The following XYLT1 variants were observed in gnomAD, a reference collection of about 807,000 sequenced individuals.
XYLT1 encodes beta-D-xylosyltransferase 1.
XYLT1 carries 36 observed loss-of-function variants against 91.3 expected under a neutral mutation model. The ratio of observed to expected loss-of-function variants is 0.39; its 90% confidence interval spans 0.30 to 0.52. The LOEUF (loss-of-function observed/expected upper bound fraction) is 0.52. XYLT1 is among the 20% of genes least tolerant of loss of function. XYLT1 has a pLI of 0.68. For synonymous variants in XYLT1, 588 were observed against 532.0 expected, an observed-to-expected ratio of 1.11 and a Z score of -1.45; for missense variants, 1,242 against 1,284.5, an observed-to-expected ratio of 0.97 and a Z score of 0.51.
intron 1 of XYLT1, among the ~76,000 whole-genome samples, chr16:17,374,141 A>G (rs1444631291): frequency 6.6e-6 from 1 of 152,250 alleles, no homozygotes; most frequent in Non-Finnish European, 1.5e-5. Context: ...GAGGACAAGC[A>G]TTTTAGGCAG....
chr16:17,403,937 G>C (rs778008865), intron 1 of XYLT1, among the ~76,000 whole-genome samples: 5 of 152,242 alleles, frequency 3.3e-5, no homozygotes, highest in Non-Finnish European at 5.9e-5. Context: ...CCAGAGGTCA[G>C]GCCAGGTGGG....
Position 17,138,375 on chromosome 16 carries a change from G to A in XYLT1, c.1744C>T (p.Gln582Ter). The change falls in exon 8 of 12, where the codon CAG becomes TAG. Residue 582 changes from glutamine to a stop codon, truncating the protein, a stop_gained. Transcript: ENST00000261381. LOFTEE classifies it high-confidence loss of function. The part of the protein sequence containing the change: ...CGCSPNDFKP[Q>*]DFHRFQQTAR... ...CTCACCTGGAAGCGGTGGAAGTCCT[G>A]CGGCTTGAAGTCATTGGGGGAGCAG... The A allele has an allele frequency of 6.2e-7, 1 of 1,613,346 alleles. No individual in the cohort carries two copies. Among genetic ancestry groups the A allele is most frequent in the Non-Finnish European group, 8.5e-7 (1 of 1,179,502 alleles).
intron 2 of XYLT1, among the ~76,000 whole-genome samples, chr16:17,299,324 G>A (rs1228285848): frequency 2.0e-5 from 3 of 152,078 alleles, no homozygotes; most frequent in Non-Finnish European, 4.4e-5. Context: ...GAATGAAGAG[G>A]GGGTGGCAGT....
rs201490419 is a variant in XYLT1 at position 17,454,903 on chromosome 16, T to TCCCCC, written c.363+15526_363+15530dup. ...CGCGTCACAAAATATCATTCTTTCC[T>TCCCCC]CCCCCCCCCGCCCCCCCCCGCAACT... On this transcript the variant is annotated intron_variant, in intron 1 of 11. Transcript: ENST00000261381. Among the ~76,000 whole-genome samples the TCCCCC allele has an allele frequency of 2.2e-4, 8 of 36,970 alleles. 1 individual carries two copies. The highest frequency in any genetic ancestry group is 1.1e-3 in the African/African-American group (6 of 5,362). The allele number at this position is 36,970 out of a possible 152,430, so 24.3% of individuals were successfully genotyped here. A position where few individuals can be genotyped will look rare whatever the true frequency, so the allele number is the denominator to read the frequency against.
At position 17,105,174 on chromosome 16, in the gene XYLT1, G is replaced by C. The variant is rs577044957; in HGVS notation, c.*3521C>G. ...GCCAGTAGCTACTGCCCTGCTCTCT[G>C]CATCTTTTTGGCAGAAAGCTTAAGG... On this transcript the variant is annotated 3_prime_UTR_variant, in exon 12 of 12. Coordinates refer to ENST00000261381, the MANE Select transcript of XYLT1 (RefSeq NM_022166.4). The C allele has an allele frequency of 6.2e-5, 9 of 145,766 alleles. No homozygotes were observed. In the East Asian group the frequency reaches 1.7e-3, roughly 28 times the overall value. 9.0% of individuals were successfully genotyped at this position (145,766 alleles called of 1,614,324 possible).
intron 5 of XYLT1, among the ~76,000 whole-genome samples, chr16:17,197,595 G>C (rs753920038): frequency 5.3e-5 from 8 of 152,070 alleles, no homozygotes; most frequent in Non-Finnish European, 1.0e-4. Context: ...AGTCTGGGTG[G>C]GCATAATCTA....
chr16:17,317,527 G>A (rs2034653550), intron 2 of XYLT1, among the ~76,000 whole-genome samples: 1 of 151,022 alleles, frequency 6.6e-6, no homozygotes, highest in Admixed American at 6.6e-5. Context: ...GTACCTGGGA[G>A]GCTGAGGTGG....
At chr16:17,413,154 T>A (rs1444403780) in intron 1 of XYLT1, among the ~76,000 whole-genome samples, 1 of 152,062 alleles carries the variant, frequency 6.6e-6, no homozygotes, top group Non-Finnish European at 1.5e-5. Flanking sequence ...CAAAGAGAGG[T>A]ATGGCCACAG....
intron 1 of XYLT1, among the ~76,000 whole-genome samples, chr16:17,466,594 C>T (rs772814121): frequency 1.3e-5 from 2 of 152,112 alleles, no homozygotes; most frequent in South Asian, 4.1e-4. Flanking sequence ...AAATAGCAAG[C>T]CTTTGACCAC....
intron 2 of XYLT1, among the ~76,000 whole-genome samples, chr16:17,333,423 G>T (rs1471314047): frequency 6.6e-6 from 1 of 152,044 alleles, no homozygotes; most frequent in Admixed American, 6.6e-5. Context: ...CATTTCAAGT[G>T]CTCAGTAACC....
intron 2 of XYLT1, among the ~76,000 whole-genome samples, chr16:17,327,361 CTTTTTTTTTTTT>C (rs138879762): frequency 1.9e-5 from 2 of 108,088 alleles, no homozygotes; most frequent in Admixed American, 1.0e-4. Context: ...TTTCTTTTTT[CTTTTTTTTTTTT>C]TTTTTTTGAG....
intron 5 of XYLT1, among the ~76,000 whole-genome samples, chr16:17,168,856 ACT>A: frequency 6.6e-6 from 1 of 151,820 alleles, no homozygotes; most frequent in East Asian, 1.9e-4. Context: ...TCACCCTTTG[ACT>A]CAGTACCTTC....
Position 17,158,822 on chromosome 16 carries a change from G to T in XYLT1, c.1370+7C>A, listed in dbSNP as rs1567300865. The stretch of plus-strand genomic sequence containing the variant: ...ATTTTGTACAGGGGTAGGGGTTGAG[G>T]TGCTACCTTGCATTGTCCCGGCCGT... On this transcript the variant is annotated splice_region_variant and intron_variant, in intron 6 of 11. Transcript: ENST00000261381. The T allele has an allele frequency of 2.5e-6, 4 of 1,613,910 alleles. No homozygotes were observed. The highest frequency in any genetic ancestry group is 2.5e-6 in the Non-Finnish European group (3 of 1,179,892).
At chr16:17,134,400 G>A (rs2030622638) in intron 9 of XYLT1, 73 bp downstream of exon 9, 1 of 1,563,340 alleles carries the variant, frequency 6.4e-7, no homozygotes, top group Non-Finnish European at 8.7e-7. Context: ...GAGGAAGAAG[G>A]ACCCCCACTC....
chr16:17,412,465 G>C (rs2036123887), intron 1 of XYLT1, among the ~76,000 whole-genome samples: 1 of 148,002 alleles, frequency 6.8e-6, no homozygotes, highest in Non-Finnish European at 1.5e-5. Context: ...TCATTCTGTA[G>C]TTAGAGGCCA....
chr16:17,199,427 A>G (rs1051207997), intron 4 of XYLT1, among the ~76,000 whole-genome samples: 3 of 152,320 alleles, frequency 2.0e-5, no homozygotes, highest in Non-Finnish European at 4.4e-5. Flanking sequence ...GACAGAGACT[A>G]TGTGCCCTGC....
intron 6 of XYLT1, among the ~76,000 whole-genome samples, chr16:17,149,008 C>A (rs952921067): frequency 6.6e-6 from 1 of 152,194 alleles, no homozygotes; most frequent in Non-Finnish European, 1.5e-5. Flanking sequence ...TACCTATTAG[C>A]ACACTAAGGA....
intron 5 of XYLT1, among the ~76,000 whole-genome samples, chr16:17,186,841 C>T (rs1275542918): frequency 6.6e-6 from 1 of 152,098 alleles, no homozygotes; most frequent in Non-Finnish European, 1.5e-5. Context: ...CAGAGCACAC[C>T]TGTGCTAATA....
chr16:17,166,188 G>C (rs947011978), intron 5 of XYLT1, among the ~76,000 whole-genome samples: 2 of 152,224 alleles, frequency 1.3e-5, no homozygotes, highest in Non-Finnish European at 2.9e-5. Context: ...TCAAGCAACG[G>C]GGTCAGGGCA....
Sources: gnomAD v4.1 joint callset for allele counts (sites outside exome capture counted in the v4.1 genomes callset) on GRCh38, gnomAD v4.1.1 for gene constraint, MANE v1.5 for transcripts, NCBI Gene and HGNC (gene_info 2026-07-23, HGNC 2026-07-21) for gene names.